SHB: variants seen among roughly 807,000 people sequenced by gnomAD.
The protein encoded by SHB is SH2 domain containing adaptor protein B.
A neutral mutation model predicts 52.3 loss-of-function variants in SHB; 20 were observed. The observed-to-expected ratio is 0.38, with a 90% CI of 0.27 to 0.56. SHB has a LOEUF of 0.56. Ranked by LOEUF, SHB falls within the 20% of genes least tolerant of loss-of-function variation. The pLI is 0.71. For synonymous variants in SHB, 397 were observed against 316.5 expected, an observed-to-expected ratio of 1.25 and a Z score of -2.70; for missense variants, 825 against 723.3, an observed-to-expected ratio of 1.14 and a Z score of -1.61.
chr9:37,947,539 G>A (rs1328145391), intron 5 of SHB, among the ~76,000 whole-genome samples: 1 of 152,212 alleles, frequency 6.6e-6, no homozygotes, highest in East Asian at 1.9e-4. Context: ...CACAGCCTGT[G>A]TGCCTTGCCC....
At chr9:38,047,637 G>C (rs1821675142) in intron 1 of SHB, among the ~76,000 whole-genome samples, 1 of 152,236 alleles carries the variant, frequency 6.6e-6, no homozygotes, top group Non-Finnish European at 1.5e-5. Flanking sequence ...AGATCAAAAA[G>C]CAGGTTGCTC....
chr9:38,029,178 C>A (rs1031216422), intron 1 of SHB, among the ~76,000 whole-genome samples: 2 of 152,246 alleles, frequency 1.3e-5, no homozygotes, highest in Non-Finnish European at 2.9e-5. Flanking sequence ...GTGGTCCAAT[C>A]AACTCTGCCC....
chr9:37,952,260 A>G (rs1832575192), intron 4 of SHB, among the ~76,000 whole-genome samples: 1 of 152,200 alleles, frequency 6.6e-6, no homozygotes, highest in Admixed American at 6.5e-5. Flanking sequence ...TTAGAAATGA[A>G]TGGGCAGGGG....
chr9:38,009,517 AGGGCAGAGCCAG>A (rs960790227), intron 2 of SHB, among the ~76,000 whole-genome samples: 2 of 152,258 alleles, frequency 1.3e-5, no homozygotes, highest in Non-Finnish European at 2.9e-5. Flanking sequence ...AACCTGCCCA[AGGGCAGAGCCAG>A]GGGCAGAGCC....
intron 2 of SHB, among the ~76,000 whole-genome samples, chr9:37,993,332 A>C (rs960589083): frequency 1.3e-5 from 2 of 152,210 alleles, no homozygotes; most frequent in African/African-American, 4.8e-5. Flanking sequence ...AGCTAAAAAT[A>C]AGGCTGCTCC....
At chr9:38,067,013 T>A (rs1252885206) in intron 1 of SHB, among the ~76,000 whole-genome samples, 2 of 151,926 alleles carry the variant, frequency 1.3e-5, no homozygotes, top group Non-Finnish European at 2.9e-5. Context: ...GAACAAGTAT[T>A]ATTTTATGGG....
intron 5 of SHB, among the ~76,000 whole-genome samples, chr9:37,923,919 G>A (rs780124206): frequency 1.3e-5 from 2 of 152,162 alleles, no homozygotes; most frequent in Non-Finnish European, 1.5e-5. Flanking sequence ...GCCGGGCTCC[G>A]AGCCACATCT....
intron 1 of SHB, among the ~76,000 whole-genome samples, chr9:38,061,562 C>A (rs1821892439): frequency 6.6e-6 from 1 of 152,188 alleles, no homozygotes; most frequent in Admixed American, 6.5e-5. Flanking sequence ...TTAGACCTTG[C>A]TGACTGATCA....
chr9:38,033,283 C>CCT (rs1564106647), intron 1 of SHB, among the ~76,000 whole-genome samples: 1 of 152,184 alleles, frequency 6.6e-6, no homozygotes, highest in East Asian at 1.9e-4. Flanking sequence ...CACCCCATCA[C>CCT]CTCTATGGGT....
chr9:37,984,984 G>A (rs1303566820), intron 2 of SHB, among the ~76,000 whole-genome samples: 1 of 152,198 alleles, frequency 6.6e-6, no homozygotes, highest in African/African-American at 2.4e-5. Flanking sequence ...ACGGCAGGAG[G>A]CCCCACCTCC....
chr9:38,042,306 T>C (rs1485703293), intron 1 of SHB, among the ~76,000 whole-genome samples: 1 of 152,194 alleles, frequency 6.6e-6, no homozygotes, highest in Non-Finnish European at 1.5e-5. Context: ...AAATCACCCA[T>C]CATCTTCAGT....
chr9:38,008,750 A>T (rs1286088957), intron 2 of SHB, among the ~76,000 whole-genome samples: 1 of 152,190 alleles, frequency 6.6e-6, no homozygotes, highest in Non-Finnish European at 1.5e-5. Flanking sequence ...GACCACCAGG[A>T]CAGGCTGAAG....
intron 2 of SHB, 151 bp from the exon 3 acceptor site, chr9:37,974,988 C>A: frequency 1.4e-6 from 1 of 702,696 alleles, no homozygotes. Flanking sequence ...ACCCACCCCA[C>A]CAACCCCCAG....
intron 1 of SHB, among the ~76,000 whole-genome samples, chr9:38,030,345 C>G (rs114187546): frequency 2.9e-3 from 449 of 152,314 alleles, no homozygotes; most frequent in African/African-American, 0.01. Flanking sequence ...ATAAACACCA[C>G]CTGCCCACCT....
chr9:37,932,809 C>T (rs1024189953), intron 5 of SHB, among the ~76,000 whole-genome samples: 2 of 152,130 alleles, frequency 1.3e-5, no homozygotes, highest in African/African-American at 4.8e-5. Context: ...GTAATGAGGT[C>T]TCACGACGTT....
At chr9:37,982,322 GT>G (rs1022057482) in intron 2 of SHB, among the ~76,000 whole-genome samples, 16 of 151,970 alleles carry the variant, frequency 1.1e-4, no homozygotes, top group African/African-American at 3.9e-4. Context: ...GTAAAACCCC[GT>G]CTCTACTAAA....
chr9:37,942,656 G>A (rs1027010747), intron 5 of SHB, among the ~76,000 whole-genome samples: 7 of 152,224 alleles, frequency 4.6e-5, no homozygotes, highest in Non-Finnish European at 7.4e-5. Context: ...CAAGCATCCC[G>A]TGATGCTCAG....
chr9:37,936,020 TG>T (rs1357420291), intron 5 of SHB, among the ~76,000 whole-genome samples: 3 of 144,026 alleles, frequency 2.1e-5, no homozygotes, highest in African/African-American at 7.8e-5. Flanking sequence ...CTGACCAACA[TG>T]GTGAAACCCC....
intron 1 of SHB, among the ~76,000 whole-genome samples, chr9:38,067,309 C>A (rs1821982180): frequency 6.6e-6 from 1 of 152,160 alleles, no homozygotes; most frequent in African/African-American, 2.4e-5. Flanking sequence ...AGCGCTCTTG[C>A]AGGCAGCGCA....
Sources: gnomAD v4.1 joint callset for allele counts (sites outside exome capture counted in the v4.1 genomes callset) on GRCh38, gnomAD v4.1.1 for gene constraint, MANE v1.5 for transcripts, NCBI Gene and HGNC (gene_info 2026-07-23, HGNC 2026-07-21) for gene names.